Variants in TTC12 observed in about 807,000 individuals in gnomAD.
TTC12 encodes the protein tetratricopeptide repeat domain 12, also known as tetratricopeptide repeat protein 12.
A neutral mutation model predicts 90.1 loss-of-function variants in TTC12; 70 were observed. That is an observed-to-expected ratio of 0.78 (90% CI 0.64 to 0.95). The LOEUF (loss-of-function observed/expected upper bound fraction) is 0.95, where lower values mean the gene tolerates loss of function less well. Among genes scored for constraint, TTC12 ranks in the 40% least tolerant of loss-of-function variants. TTC12 has a pLI of 0.00. For synonymous variants in TTC12, 296 were observed against 311.5 expected (o/e 0.95, Z 0.53); for missense variants, 819 against 846.1 (o/e 0.97, Z 0.40).
chr11:113,339,901 T>C (rs1948589270), intron 10 of TTC12, among the ~76,000 whole-genome samples: 1 of 152,090 alleles, frequency 6.6e-6, no homozygotes, highest in South Asian at 2.1e-4. Context: ...ACACACCCCA[T>C]GCACATCCTG....
chr11:113,366,818 G>T (rs1950234106), downstream of TTC12, among the ~76,000 whole-genome samples: 1 of 152,356 alleles, frequency 6.6e-6, no homozygotes, highest in South Asian at 2.1e-4. Flanking sequence ...ATTCAGTGGG[G>T]TGAGTGGTAG....
chr11:113,323,596 GA>G (rs1555139650), intron 3 of TTC12, 145 bp downstream of exon 3: 1 of 559,140 alleles, frequency 1.8e-6, no homozygotes, highest in African/African-American at 2.0e-5. Flanking sequence ...TATAAAATTT[GA>G]TTTTTTTTTT....
At position 113,325,650 on chromosome 11, in the gene TTC12, G is replaced by T; in HGVS notation, c.444+5G>T. 1.2e-6 allele frequency: 2 copies of T among 1,613,656 alleles called. No individual in the cohort carries two copies. Among genetic ancestry groups the T allele is most frequent in the South Asian group, 2.2e-5 (2 of 91,022 alleles). On this transcript the variant is annotated splice_donor_5th_base_variant and intron_variant, in intron 6 of 21. Coordinates refer to ENST00000529221, the MANE Select transcript of TTC12 (RefSeq NM_017868.4). ...CTGTACACCAACCGAGCCCAGGTCA[G>T]TGAGGCAGGGATGTATCCATGGGGC...
At chr11:113,347,696 A>T (rs1474418297) in intron 13 of TTC12, among the ~76,000 whole-genome samples, 5 of 152,196 alleles carry the variant, frequency 3.3e-5, no homozygotes, top group African/African-American at 9.7e-5. Flanking sequence ...CAGGTTAAGC[A>T]TCCTTGTTAC....
intron 16 of TTC12, among the ~76,000 whole-genome samples, chr11:113,355,717 T>C (rs1369974289): frequency 2.6e-5 from 4 of 152,186 alleles, no homozygotes; most frequent in Non-Finnish European, 5.9e-5. Flanking sequence ...CCTTAATTGG[T>C]TTATTTGCCC....
intron 2 of TTC12, among the ~76,000 whole-genome samples, chr11:113,320,429 G>A (rs563336857): frequency 8.4e-4 from 128 of 152,242 alleles, no homozygotes; most frequent in African/African-American, 2.9e-3. Context: ...AACGCCGAGA[G>A]GAGTTTGGCT....
intron 7 of TTC12, among the ~76,000 whole-genome samples, chr11:113,331,001 T>C (rs1278001931): frequency 6.6e-6 from 1 of 152,182 alleles, no homozygotes; most frequent in African/African-American, 2.4e-5. Context: ...CCTAGCAGCA[T>C]ACTGGCCATA....
chr11:113,327,500 T>C (rs142146816), intron 6 of TTC12, among the ~76,000 whole-genome samples: 24 of 152,362 alleles, frequency 1.6e-4, no homozygotes, highest in African/African-American at 5.8e-4. Flanking sequence ...GTTAATGTTA[T>C]GATCAATAGA....
chr11:113,370,698 GGAACAGTGGGCTGCC>G (rs1476683733), downstream of TTC12, among the ~76,000 whole-genome samples: 1 of 152,224 alleles, frequency 6.6e-6, no homozygotes, highest in Non-Finnish European at 1.5e-5. Context: ...GGCAAAGCAG[GGAACAGTGGGCTGCC>G]GATTACCTCT....
downstream of TTC12, chr11:113,368,202 C>T: frequency 1.3e-6 from 2 of 1,483,174 alleles, no homozygotes; most frequent in South Asian, 1.2e-5. Flanking sequence ...CTGCCGAGAG[C>T]AGTCATCTCC....
intron 18 of TTC12, among the ~76,000 whole-genome samples, chr11:113,360,963 G>A (rs571837841): frequency 5.3e-5 from 8 of 152,328 alleles, no homozygotes; most frequent in African/African-American, 1.7e-4. Flanking sequence ...AAGCACCACC[G>A]TTTCCGGATG....
chr11:113,322,972 T>C (rs1328030670), intron 2 of TTC12, among the ~76,000 whole-genome samples: 2 of 152,318 alleles, frequency 1.3e-5, no homozygotes, highest in African/African-American at 4.8e-5. Context: ...TATTCATCAT[T>C]GTTATCTATA....
At chr11:113,360,051 C>CTTGTTTTGTTTTGTTTTTTT in intron 18 of TTC12, 43 bp downstream of exon 18, 3 of 1,054,234 alleles carry the variant, frequency 2.8e-6, no homozygotes, top group Non-Finnish European at 4.3e-6. Context: ...TTCCATTGTT[C>CTTGTTTTGTTTTGTTTTTTT]TTGTTTTGTT....
chr11:113,338,907 G>T, intron 9 of TTC12, 73 bp downstream of exon 9: 1 of 1,383,762 alleles, frequency 7.2e-7, no homozygotes. Flanking sequence ...AATGCCTTCC[G>T]TGCTTTCACT....
chr11:113,349,940 G>A (rs933565349), intron 13 of TTC12, 133 bp from the exon 14 acceptor site: 3 of 720,090 alleles, frequency 4.2e-6, no homozygotes, highest in Non-Finnish European at 7.4e-6. Flanking sequence ...TCCTAGGAGG[G>A]CATGACAAGG....
rs781883650 is a variant in TTC12 at position 113,324,142 on chromosome 11, G to A, written c.244+127G>A. On this transcript the variant is annotated intron_variant, in intron 4 of 21. Coordinates refer to ENST00000529221, the MANE Select transcript of TTC12 (RefSeq NM_017868.4). ...AACAACCTGTGAACAAAAACCTACT[G>A]ATCATCCCATTCTGTTACTAGTGAT... is the stretch of plus-strand genomic sequence containing the variant. The A allele has an allele frequency of 7.8e-4, 559 of 712,532 alleles. 3 individuals carry two copies. Among genetic ancestry groups the A allele is most frequent in the Middle Eastern group, 7.2e-4 (3 of 4,164 alleles). The allele number at this position is 712,532 out of a possible 1,614,324, so 44.1% of individuals were successfully genotyped here.
chr11:113,324,205 T>G, intron 4 of TTC12, 190 bp downstream of exon 4: 1 of 564,358 alleles, frequency 1.8e-6, no homozygotes, highest in East Asian at 2.9e-5. Context: ...CTTTATTTTC[T>G]CTTGGTCAAC....
intron 7 of TTC12, among the ~76,000 whole-genome samples, chr11:113,331,667 C>T (rs1948073155): frequency 6.6e-6 from 1 of 152,192 alleles, no homozygotes; most frequent in Non-Finnish European, 1.5e-5. Context: ...CTGAAAAAGG[C>T]CAAAGGGGCA....
At chr11:113,367,091 A>G (rs1165836871), downstream of TTC12, among the ~76,000 whole-genome samples, 2 of 152,208 alleles carry the variant, frequency 1.3e-5, no homozygotes, top group Non-Finnish European at 2.9e-5. Context: ...CAGTTGCCCC[A>G]GGGTCACTCT....
Sources: allele counts gnomAD v4.1 joint callset (sites outside exome capture counted in the v4.1 genomes callset), GRCh38; gene constraint gnomAD v4.1.1; transcripts MANE v1.5; gene names NCBI Gene and HGNC (gene_info 2026-07-23, HGNC 2026-07-21).